Variants in ARID4A observed in about 807,000 individuals in gnomAD.
ARID4A encodes AT-rich interaction domain 4A.
A neutral mutation model predicts 148.6 loss-of-function variants in ARID4A; 39 were observed. The observed-to-expected ratio is 0.26, with a 90% confidence interval of 0.20 to 0.34. ARID4A has a LOEUF of 0.34. ARID4A is among the 10% of genes least tolerant of loss of function. The probability of loss-of-function intolerance (pLI) is 1.00; values close to 1 mark genes in which losing one functional copy is unlikely to be tolerated. For missense variants in ARID4A, 1,265 were observed against 1,449.1 expected, an observed-to-expected ratio of 0.87 and a Z score of 2.06; for synonymous variants, 475 against 481.2, an observed-to-expected ratio of 0.99 and a Z score of 0.17.
intron 8 of ARID4A, among the ~76,000 whole-genome samples, chr14:58,325,321 G>T (rs569591649): frequency 2.6e-5 from 4 of 151,964 alleles, no homozygotes; most frequent in Admixed American, 2.6e-4. Flanking sequence ...GATCTTTGTT[G>T]CCCAGACTGG....
intron 7 of ARID4A, among the ~76,000 whole-genome samples, chr14:58,322,192 A>G (rs964325637): frequency 6.6e-6 from 1 of 151,088 alleles, no homozygotes; most frequent in Admixed American, 6.6e-5. Context: ...CTGGTCTCCA[A>G]CTCCTGACCT....
chr14:58,352,377 G>C (rs999854191), intron 16 of ARID4A, among the ~76,000 whole-genome samples: 1 of 152,138 alleles, frequency 6.6e-6, no homozygotes, highest in Admixed American at 6.5e-5. Context: ...GTTGAGTATA[G>C]TGAGTATAGA....
At chr14:58,342,733 C>T (rs2034173012) in intron 11 of ARID4A, among the ~76,000 whole-genome samples, 1 of 151,958 alleles carries the variant, frequency 6.6e-6, no homozygotes. Flanking sequence ...GCCAATGTGG[C>T]GAAACCCAGT....
intron 20 of ARID4A, 53 bp from the exon 21 acceptor site, chr14:58,365,465 C>CTA: frequency 4.7e-6 from 4 of 853,850 alleles, no homozygotes; most frequent in Non-Finnish European, 6.5e-6. Context: ...AATATACTTG[C>CTA]TCTTTTTTTT....
chr14:58,370,406 C>G (rs1420337022), intron 23 of ARID4A, among the ~76,000 whole-genome samples: 1 of 152,144 alleles, frequency 6.6e-6, no homozygotes, highest in Non-Finnish European at 1.5e-5. Flanking sequence ...AAGCCATTTT[C>G]CTGCCTCAGC....
rs773796827 is a variant in ARID4A, at chr14:58,347,702, G to T, written c.1228G>T (p.Val410Phe). The stretch of plus-strand genomic sequence containing the variant: ...TTCGGCAAATATTCAGTTCAGAACT[G>T]TTCATCACCATGAACCAAAAGTAAA... ...CRSANIQFRT[V>F]HHHEPKVKEE... is the part of the protein sequence containing the mutation. The change falls in exon 15 of 24, where the codon GTT (valine) becomes TTT (phenylalanine). Residue 410 changes from valine to phenylalanine, a missense_variant. Transcript: ENST00000355431. 1 of 1,613,770 alleles carries T rather than the reference G, an allele frequency of 6.2e-7. No individual in the cohort carries two copies. The highest frequency in any genetic ancestry group is 8.5e-7 in the Non-Finnish European group (1 of 1,179,922).
intron 5 of ARID4A, among the ~76,000 whole-genome samples, chr14:58,314,871 C>T (rs773243709): frequency 6.6e-6 from 1 of 152,192 alleles, no homozygotes; most frequent in Non-Finnish European, 1.5e-5. Context: ...GTAATCCCAG[C>T]ACTTTGGAAG....
intron 17 of ARID4A, 24 bp from the exon 18 acceptor site, chr14:58,359,105 CTCT>C (rs767283820): frequency 1.2e-5 from 16 of 1,290,964 alleles, no homozygotes; most frequent in Non-Finnish European, 1.6e-5. Flanking sequence ...TTTGTACAAA[CTCT>C]TTTTTTTTTT....
At chr14:58,335,277 C>T (rs1393181995) in intron 11 of ARID4A, among the ~76,000 whole-genome samples, 1 of 151,100 alleles carries the variant, frequency 6.6e-6, no homozygotes, top group Non-Finnish European at 1.5e-5. Context: ...CTTCTTAGCT[C>T]AAGACATTTA....
At chr14:58,339,854 GA>G (rs2034020850) in intron 11 of ARID4A, among the ~76,000 whole-genome samples, 2 of 151,816 alleles carry the variant, frequency 1.3e-5, no homozygotes, top group Non-Finnish European at 2.9e-5. Flanking sequence ...GAGAGAGAGA[GA>G]GAGAGAGAGA....
chr14:58,319,309 C>A (rs1352442065), intron 7 of ARID4A, among the ~76,000 whole-genome samples: 1 of 151,754 alleles, frequency 6.6e-6, no homozygotes, highest in African/African-American at 2.4e-5. Context: ...CCTCGTGATC[C>A]ACCTGCTTCA....
At position 58,349,203 on chromosome 14, in the gene ARID4A, A is replaced by G. The variant is rs143757467; in HGVS notation, c.1404+1325A>G. Reference sequence around the variant, plus strand: ...GAATTTCCTTCCTTTTTAAAGGTGAATAATATTTTATTGTATGTATTGTGG... The same window carrying G: ...GAATTTCCTTCCTTTTTAAAGGTGAGTAATATTTTATTGTATGTATTGTGG... On this transcript the variant is annotated intron_variant, in intron 15 of 23. Transcript: ENST00000355431. 3.6e-3 allele frequency among the ~76,000 whole-genome samples: 550 copies of G among 152,310 alleles called. 3 individuals carry two copies. The highest frequency in any genetic ancestry group is 0.013 in the African/African-American group (527 of 41,552).
chr14:58,310,889 TTCATA>T (rs1038624976), intron 5 of ARID4A, among the ~76,000 whole-genome samples: 10 of 151,816 alleles, frequency 6.6e-5, no homozygotes, highest in African/African-American at 2.4e-4. Flanking sequence ...TAATACGGGG[TTCATA>T]TCCAGAATTT....
intron 11 of ARID4A, among the ~76,000 whole-genome samples, chr14:58,334,534 G>T (rs2033698754): frequency 6.6e-6 from 1 of 152,010 alleles, no homozygotes; most frequent in African/African-American, 2.4e-5. Context: ...CAGCACTATT[G>T]GTCAGTTCCC....
intron 17 of ARID4A, among the ~76,000 whole-genome samples, chr14:58,357,294 TCAATTTG>T (rs2034919540): frequency 6.6e-6 from 1 of 152,248 alleles, no homozygotes; most frequent in African/African-American, 2.4e-5. Context: ...CAGGATATTT[TCAATTTG>T]TGATGAGTTT....
intron 5 of ARID4A, among the ~76,000 whole-genome samples, chr14:58,312,237 G>A (rs1334809047): frequency 2.8e-5 from 4 of 141,088 alleles, no homozygotes; most frequent in Non-Finnish European, 4.6e-5. Context: ...TTTTTTTTGA[G>A]ATGGAGTCTC....
intron 11 of ARID4A, among the ~76,000 whole-genome samples, chr14:58,340,741 C>T (rs1330895232): frequency 6.6e-6 from 1 of 150,698 alleles, no homozygotes; most frequent in Non-Finnish European, 1.5e-5. Context: ...TGTCTTGGCC[C>T]CCCAAAGTGC....
Position 58,360,850 on chromosome 14 carries a change from A to G in ARID4A, c.1939-51A>G, listed in dbSNP as rs1306736527. The G allele has an allele frequency of 1.9e-6, 3 of 1,571,168 alleles. No individual in the cohort carries two copies. The African/African-American group carries it at 4.1e-5, about 22-fold the overall frequency. On this transcript the variant is annotated intron_variant, in intron 18 of 23. Coordinates refer to ENST00000355431, the MANE Select transcript of ARID4A (RefSeq NM_002892.4). ...TTTTCTTTGGATAAGTAGAATGTTCATTTTTCGTAAAGCATTGGCCCTTCT... is the reference window on the plus strand; with the variant it reads ...TTTTCTTTGGATAAGTAGAATGTTCGTTTTTCGTAAAGCATTGGCCCTTCT...
chr14:58,324,031 A>G (rs1407295198), intron 8 of ARID4A, among the ~76,000 whole-genome samples: 1 of 149,416 alleles, frequency 6.7e-6, no homozygotes, highest in Non-Finnish European at 1.5e-5. Context: ...CAGCCTCCGG[A>G]GTAGCTGGGA....
Sources: allele counts gnomAD v4.1 joint callset (sites outside exome capture counted in the v4.1 genomes callset), GRCh38; gene constraint gnomAD v4.1.1; transcripts MANE v1.5; gene names NCBI Gene and HGNC (gene_info 2026-07-23, HGNC 2026-07-21).